CACNA1C: variants seen among roughly 807,000 people sequenced by gnomAD.
CACNA1C encodes the protein voltage-dependent L-type calcium channel subunit alpha-1C.
CACNA1C carries 30 observed loss-of-function variants against 229.0 expected under a neutral mutation model. That is an observed-to-expected ratio of 0.13 (90% CI 0.10 to 0.18). CACNA1C has a LOEUF of 0.18. Among genes scored for constraint, CACNA1C ranks in the 10% least tolerant of loss-of-function variants. The pLI, the probability that CACNA1C is intolerant of heterozygous loss-of-function variation, is 1.00. For synonymous variants in CACNA1C, 1,114 were observed against 1,132.5 expected (o/e 0.98, Z 0.33); for missense variants, 1,658 against 2,845.0 (o/e 0.58, Z 9.49).
chr12:2,423,007 C>T (rs2098993726), intron 3 of CACNA1C, among the ~76,000 whole-genome samples: 2 of 152,166 alleles, frequency 1.3e-5, no homozygotes, highest in South Asian at 2.1e-4. Flanking sequence ...TTCCATAATT[C>T]GAATCTCGTC....
chr12:2,138,078 T>TG lies in CACNA1C; in HGVS notation c.477+17649dup, dbSNP rs2093734411. 1.3e-5 allele frequency among the ~76,000 whole-genome samples: 2 copies of TG among 151,446 alleles called. 1 individual carries two copies. Among genetic ancestry groups the TG allele is most frequent in the Non-Finnish European group, 3.0e-5 (2 of 67,690 alleles). On this transcript the variant is annotated intron_variant, in intron 3 of 46. Coordinates refer to ENST00000399655, the MANE Select transcript of CACNA1C (RefSeq NM_000719.7). ...GTGACTTGCAAACCCCTTCCTCAAA[T>TG]GCATAGCAGAAATAGTGGGAAAACC...
chr12:2,415,056 C>A (rs1332217430), intron 3 of CACNA1C, among the ~76,000 whole-genome samples: 1 of 152,320 alleles, frequency 6.6e-6, no homozygotes, highest in East Asian at 1.9e-4. Context: ...CACGCACACC[C>A]TCTTCTGCTG....
chr12:2,410,713 T>TGC lies in CACNA1C; in HGVS notation c.478-38261_478-38260dup, dbSNP rs2098797366. The stretch of plus-strand genomic sequence containing the variant: ...GATGGCTCGCCTGTGTGTGTGTGTG[T>TGC]GCGTGCACGCATGTGTGTGTGTGCA... On this transcript the variant is annotated intron_variant, in intron 3 of 46. Coordinates refer to ENST00000399655, the MANE Select transcript of CACNA1C (RefSeq NM_000719.7). This position sits in a 1 kb window ranked among gnomAD's most constrained non-coding sequence, Gnocchi z 5.3. Among the ~76,000 whole-genome samples, 2 of 147,400 alleles carry TGC rather than the reference T, an allele frequency of 1.4e-5. No homozygotes were observed. The highest frequency in any genetic ancestry group is 4.4e-4 in the South Asian group (2 of 4,582).
chr12:2,540,372 A>G (rs189201109), intron 9 of CACNA1C, among the ~76,000 whole-genome samples: 1 of 152,310 alleles, frequency 6.6e-6, no homozygotes, highest in East Asian at 1.9e-4. Flanking sequence ...ACAGGAGCTC[A>G]GAAGAGGAGA....
chr12:2,000,348 T>G (rs1468643315), intron 1 of CACNA1C, among the ~76,000 whole-genome samples: 1 of 152,184 alleles, frequency 6.6e-6, no homozygotes, highest in African/African-American at 2.4e-5. Flanking sequence ...TATCTGACCT[T>G]GGACTGTTTC....
intron 3 of CACNA1C, chr12:2,220,921 C>T (rs2061307831): frequency 6.6e-6 from 1 of 152,094 alleles, no homozygotes; most frequent in Non-Finnish European, 1.5e-5. Context: ...AATGAGAGAG[C>T]TTCATATTAT....
intron 9 of CACNA1C, among the ~76,000 whole-genome samples, chr12:2,536,378 G>A (rs957242942): frequency 6.6e-6 from 1 of 152,150 alleles, no homozygotes. Context: ...TCTGACCAAG[G>A]GTGGGCTCCT....
intron 10 of CACNA1C, among the ~76,000 whole-genome samples, chr12:2,553,168 C>G (rs2042236142): frequency 6.6e-6 from 1 of 152,200 alleles, no homozygotes. Context: ...GCACTCCGCT[C>G]TGGGCCTCAG....
chr12:2,064,672 C>T (rs896637880), intron 1 of CACNA1C, among the ~76,000 whole-genome samples: 1 of 152,176 alleles, frequency 6.6e-6, no homozygotes, highest in African/African-American at 2.4e-5. Flanking sequence ...GGGAAGCGAG[C>T]AGTGGGTAGA....
Position 2,285,695 on chromosome 12 carries a change from C to T in CACNA1C, c.478-163281C>T, listed in dbSNP as rs796519336. Among the ~76,000 whole-genome samples, 64 of 152,268 alleles carry T rather than the reference C, an allele frequency of 4.2e-4. No homozygotes were observed. Among genetic ancestry groups the T allele is most frequent in the African/African-American group, 1.5e-3 (61 of 41,558 alleles). On this transcript the variant is annotated intron_variant, in intron 3 of 46. Coordinates refer to ENST00000399655, the MANE Select transcript of CACNA1C (RefSeq NM_000719.7). The surrounding 1 kb of genome is among the most constrained non-coding windows in gnomAD (Gnocchi z 4.2). ...TTCCACCGTTCCCTGGTCTCCAAAC[C>T]CCATGTTCTTATCTGACGGTATTTC... is the stretch of plus-strand genomic sequence containing the variant.
chr12:2,028,433 T>C (rs1375951765), intron 1 of CACNA1C, among the ~76,000 whole-genome samples: 1 of 152,226 alleles, frequency 6.6e-6, no homozygotes, highest in Non-Finnish European at 1.5e-5. Context: ...AGTTTTATAA[T>C]CTGCTCAAAG....
chr12:2,260,597 G>T (rs2079751080), intron 3 of CACNA1C, among the ~76,000 whole-genome samples: 1 of 152,196 alleles, frequency 6.6e-6, no homozygotes, highest in South Asian at 2.1e-4. Flanking sequence ...ACTTCTGCTG[G>T]TGGGGCCCTC....
chr12:2,052,900 G>GGCGGC, upstream of CACNA1C: 1 of 794,384 alleles, frequency 1.3e-6, no homozygotes, highest in Non-Finnish European at 1.5e-6. Context: ...GCGCCGGGCG[G>GGCGGC]GCGGGCGGGC....
chr12:2,516,342 A>G (rs2099796825), intron 9 of CACNA1C, among the ~76,000 whole-genome samples: 1 of 152,090 alleles, frequency 6.6e-6, no homozygotes, highest in Non-Finnish European at 1.5e-5. Context: ...GGGTATATAA[A>G]CTATTGTGAG....
At chr12:2,546,093 G>T (rs2099880366) in intron 9 of CACNA1C, among the ~76,000 whole-genome samples, 1 of 152,114 alleles carries the variant, frequency 6.6e-6, no homozygotes, top group South Asian at 2.1e-4. Context: ...GCAGTGGCTG[G>T]TGTCTTCCTG....
chr12:2,553,234 G>A (rs1181526341), intron 10 of CACNA1C, among the ~76,000 whole-genome samples: 1 of 152,158 alleles, frequency 6.6e-6, no homozygotes, highest in African/African-American at 2.4e-5. Flanking sequence ...AGGCTGGGGT[G>A]GGGGGCGGAA....
intron 4 of CACNA1C, among the ~76,000 whole-genome samples, chr12:2,453,214 C>T (rs1400744348): frequency 1.3e-5 from 2 of 152,100 alleles, no homozygotes; most frequent in African/African-American, 2.4e-5. Context: ...CTCCATGGAG[C>T]GTTTCTAGAC....
intron 11 of CACNA1C, among the ~76,000 whole-genome samples, chr12:2,561,309 C>T (rs2047363131): frequency 1.3e-5 from 2 of 152,196 alleles, no homozygotes; most frequent in South Asian, 2.1e-4. Context: ...GGTGTCCTTT[C>T]GTGTGCTCCC....
intron 7 of CACNA1C, among the ~76,000 whole-genome samples, chr12:2,501,840 G>A (rs2099761151): frequency 6.6e-6 from 1 of 152,226 alleles, no homozygotes; most frequent in Non-Finnish European, 1.5e-5. Flanking sequence ...CTTTCACCCC[G>A]CCTCTCCTAA....
Sources: gnomAD v4.1 joint callset for allele counts (sites outside exome capture counted in the v4.1 genomes callset) on GRCh38, gnomAD v4.1.1 for gene constraint, Gnocchi (gnomAD v3.1) non-coding constraint, MANE v1.5 for transcripts, NCBI Gene and HGNC (gene_info 2026-07-23, HGNC 2026-07-21) for gene names.